PIP4K2A: variants seen among roughly 807,000 people sequenced by gnomAD.
PIP4K2A encodes the protein phosphatidylinositol 5-phosphate 4-kinase type-2 alpha.
PIP4K2A carries 14 observed loss-of-function variants against 42.9 expected under a neutral mutation model. The ratio of observed to expected loss-of-function variants is 0.33; its 90% CI spans 0.22 to 0.51. PIP4K2A has a LOEUF of 0.51. PIP4K2A is among the 20% of genes least tolerant of loss of function. The probability of loss-of-function intolerance (pLI) is 0.97; values close to 1 mark genes in which losing one functional copy is unlikely to be tolerated. For missense variants in PIP4K2A, 434 were observed against 519.8 expected, an observed-to-expected ratio of 0.83 and a Z score of 1.61; for synonymous variants, 192 against 192.2, an observed-to-expected ratio of 1.00 and a Z score of 0.01.
intron 1 of PIP4K2A, among the ~76,000 whole-genome samples, chr10:22,693,782 GTCTCAGCTT>G (rs1839919042): frequency 6.6e-6 from 1 of 151,598 alleles, no homozygotes; most frequent in African/African-American, 2.4e-5. Context: ...TTATTTTACT[GTCTCAGCTT>G]TCTCAGCTAT....
chr10:22,647,325 T>C (rs988681327), intron 1 of PIP4K2A, among the ~76,000 whole-genome samples: 1 of 84,652 alleles, frequency 1.2e-5, no homozygotes, highest in Admixed American at 9.9e-5. Flanking sequence ...TGTGTGTGTA[T>C]GTGTGTGTGT....
intron 1 of PIP4K2A, among the ~76,000 whole-genome samples, chr10:22,660,513 T>G (rs1387033718): frequency 6.6e-6 from 1 of 152,020 alleles, no homozygotes; most frequent in Admixed American, 6.6e-5. Context: ...ATCCTGAATT[T>G]TTTTTTTCCT....
chr10:22,536,332 T>C lies in PIP4K2A; in HGVS notation c.*869A>G, dbSNP rs745636639. The C allele has an allele frequency of 5.4e-6, 2 of 367,148 alleles. No individual in the cohort carries two copies. Among genetic ancestry groups the C allele is most frequent in the African/African-American group, 4.7e-5 (2 of 42,848 alleles). The allele number at this position is 367,148 out of a possible 1,614,324, so 22.7% of individuals were successfully genotyped here. On this transcript the variant is annotated 3_prime_UTR_variant, in exon 10 of 10. Transcript: ENST00000376573. ...TTTTATTTTGTAGCATTAATTCCTA[T>C]ATTGCAACGTAAGGGTGAACAATGA... is the stretch of plus-strand genomic sequence containing the variant.
chr10:22,562,456 G>A (rs1365816114), intron 6 of PIP4K2A, among the ~76,000 whole-genome samples: 1 of 152,196 alleles, frequency 6.6e-6, no homozygotes, highest in Admixed American at 6.5e-5. Context: ...GGCTGAGGCA[G>A]GAGAATGGCA....
At chr10:22,579,194 G>A (rs991283878) in intron 4 of PIP4K2A, among the ~76,000 whole-genome samples, 4 of 151,990 alleles carry the variant, frequency 2.6e-5, no homozygotes, top group East Asian at 1.9e-4. Flanking sequence ...GGGAGAATTC[G>A]GAAATGGTCA....
intron 7 of PIP4K2A, 109 bp from the exon 8 acceptor site, chr10:22,542,156 A>G: frequency 1.1e-6 from 1 of 929,734 alleles, no homozygotes; most frequent in South Asian, 1.6e-5. Flanking sequence ...GGGGTGGGGC[A>G]GCAGAGGCGC....
chr10:22,540,650 C>T (rs1052399473), intron 8 of PIP4K2A, among the ~76,000 whole-genome samples: 14 of 152,234 alleles, frequency 9.2e-5, no homozygotes, highest in Non-Finnish European at 1.3e-4. Context: ...CTCCACCTCC[C>T]GAGTTCAAGT....
At chr10:22,664,154 CATATATATATATACATATAT>C (rs1218661120) in intron 1 of PIP4K2A, among the ~76,000 whole-genome samples, 2 of 62,312 alleles carry the variant, frequency 3.2e-5, no homozygotes, top group East Asian at 3.4e-4. Context: ...TATATATACA[CATATATATATATACATATAT>C]ATATATACAT....
rs1839081777 is a variant in PIP4K2A, at chr10:22,655,459, GCTGTCT to G, written c.145-45748_145-45743del. Among the ~76,000 whole-genome samples the G allele has an allele frequency of 3.3e-5, 5 of 152,326 alleles. 1 individual carries two copies. The highest frequency in any genetic ancestry group is 1.2e-4 in the African/African-American group (5 of 41,568). On this transcript the variant is annotated intron_variant, in intron 1 of 9. Transcript: ENST00000376573. ...AAGCCTGACGCCCCATATTTCAAATGCTGTCTCTTGATTTAGCCAGTTCACAGCTGT... is the reference window on the plus strand; with the variant it reads ...AAGCCTGACGCCCCATATTTCAAATGCTTGATTTAGCCAGTTCACAGCTGT...
At chr10:22,550,613 C>T (rs1162059756) in intron 7 of PIP4K2A, 46 bp downstream of exon 7, 2 of 1,034,038 alleles carry the variant, frequency 1.9e-6, no homozygotes, top group Admixed American at 1.7e-5. Context: ...CCCAACAGGG[C>T]TGATATTTAT....
At chr10:22,608,536 A>G (rs1837959542) in intron 2 of PIP4K2A, among the ~76,000 whole-genome samples, 1 of 152,196 alleles carries the variant, frequency 6.6e-6, no homozygotes, top group Non-Finnish European at 1.5e-5. Flanking sequence ...AAAAATTAAC[A>G]TCAGCTTCAC....
Position 22,573,480 on chromosome 10 carries a change from G to A in PIP4K2A, c.493-23C>T, listed in dbSNP as rs1290118668. 33 of 1,582,582 alleles carry A rather than the reference G, an allele frequency of 2.1e-5. No homozygotes were observed. In the Admixed American group the frequency reaches 2.3e-4, roughly 11 times the overall value. On this transcript the variant is annotated intron_variant, in intron 4 of 9. Transcript: ENST00000376573. ...GTACTGCATAGGAGAGAAAGAAAAA[G>A]GAAAAAAACATCCAATCAAAAGATT...
Position 22,635,059 on chromosome 10 carries a change from G to A in PIP4K2A, c.145-25342C>T, listed in dbSNP as rs541171663. Among the ~76,000 whole-genome samples, 110 of 152,262 alleles carry A rather than the reference G, an allele frequency of 7.2e-4. 1 individual carries two copies. Among genetic ancestry groups the A allele is most frequent in the African/African-American group, 2.4e-3 (100 of 41,538 alleles). On this transcript the variant is annotated intron_variant, in intron 1 of 9. Transcript: ENST00000376573. ...AGGTGAGCAACAGAAACAGTGAGGT[G>A]AGTATGAGAAGTGCAGCACATTTGG...
intron 1 of PIP4K2A, 34 bp from the exon 2 acceptor site, chr10:22,609,751 T>C (rs1434032695): frequency 1.5e-6 from 2 of 1,291,936 alleles, no homozygotes; most frequent in Admixed American, 3.7e-5. Context: ...CATGGGTTAT[T>C]ACTATCCAGG....
chr10:22,588,705 AC>A (rs1837450369), intron 4 of PIP4K2A, among the ~76,000 whole-genome samples: 1 of 152,210 alleles, frequency 6.6e-6, no homozygotes, highest in Admixed American at 6.5e-5. Context: ...GCAGTTCCTA[AC>A]AGGTTAGGAT....
At chr10:22,611,036 G>T (rs994872877) in intron 1 of PIP4K2A, among the ~76,000 whole-genome samples, 1 of 152,096 alleles carries the variant, frequency 6.6e-6, no homozygotes, top group Non-Finnish European at 1.5e-5. Context: ...ATGAACAAAA[G>T]ATGATTATAT....
chr10:22,659,943 T>C (rs759902783), intron 1 of PIP4K2A, among the ~76,000 whole-genome samples: 3 of 152,212 alleles, frequency 2.0e-5, no homozygotes, highest in Non-Finnish European at 4.4e-5. Context: ...ATCTTTAATT[T>C]AGCTTAAACG....
chr10:22,576,281 T>C (rs1305603385), intron 4 of PIP4K2A, among the ~76,000 whole-genome samples: 26 of 152,232 alleles, frequency 1.7e-4, no homozygotes, highest in Non-Finnish European at 2.1e-4. Context: ...TGTGAATGCC[T>C]GGGCTAGGAA....
At chr10:22,582,508 TATC>T (rs551177580) in intron 4 of PIP4K2A, among the ~76,000 whole-genome samples, 84 of 152,350 alleles carry the variant, frequency 5.5e-4, no homozygotes, top group African/African-American at 2.0e-3. Flanking sequence ...TTGCTGTTAT[TATC>T]ATGTTTCACT....
Sources: gnomAD v4.1 joint callset for allele counts (sites outside exome capture counted in the v4.1 genomes callset) on GRCh38, gnomAD v4.1.1 for gene constraint, MANE v1.5 for transcripts, NCBI Gene and HGNC (gene_info 2026-07-23, HGNC 2026-07-21) for gene names.